L3MBTL4: variants seen among roughly 807,000 people sequenced by gnomAD.
The protein encoded by L3MBTL4 is lethal(3)malignant brain tumor-like protein 4.
Under a neutral mutation model 84.5 loss-of-function variants are expected in L3MBTL4, and 70 were observed. The ratio of observed to expected loss-of-function variants is 0.83; its 90% CI spans 0.68 to 1.01. L3MBTL4 has a LOEUF of 1.01. L3MBTL4 is among the 50% of genes least tolerant of loss of function. The pLI, the probability that L3MBTL4 is intolerant of heterozygous loss-of-function variation, is 0.00. For synonymous variants in L3MBTL4, 274 were observed against 259.8 expected (o/e 1.05, Z -0.52); for missense variants, 715 against 754.8 (o/e 0.95, Z 0.62).
intron 1 of L3MBTL4, among the ~76,000 whole-genome samples, chr18:6,329,021 T>C (rs1335229620): frequency 6.6e-6 from 1 of 152,196 alleles, no homozygotes; most frequent in Admixed American, 6.5e-5. Context: ...GTAACTAGCT[T>C]CCAAATCAAG....
chr18:6,090,445 T>C (rs1194352502), intron 15 of L3MBTL4, among the ~76,000 whole-genome samples: 1 of 151,756 alleles, frequency 6.6e-6, no homozygotes, highest in African/African-American at 2.4e-5. Context: ...AAAAATTGGG[T>C]TGCAGTTAAG....
At chr18:6,401,830 C>A (rs999006133) in intron 1 of L3MBTL4, among the ~76,000 whole-genome samples, 1 of 152,148 alleles carries the variant, frequency 6.6e-6, no homozygotes, top group African/African-American at 2.4e-5. Flanking sequence ...GGCAAGTGTG[C>A]GGTGTGCAAG....
chr18:6,086,102 C>A (rs903611809), intron 15 of L3MBTL4, among the ~76,000 whole-genome samples: 14 of 152,106 alleles, frequency 9.2e-5, no homozygotes, highest in African/African-American at 3.4e-4. Context: ...CCATAATAAG[C>A]AAGTACTGCT....
intron 16 of L3MBTL4, chr18:6,030,750 G>A (rs998073498): frequency 4.3e-5 from 42 of 978,434 alleles, no homozygotes; most frequent in African/African-American, 2.1e-4. Context: ...TCCCTATTTC[G>A]TTAATTTTCT....
At chr18:6,291,970 C>T (rs183121924) in intron 4 of L3MBTL4, among the ~76,000 whole-genome samples, 4 of 148,786 alleles carry the variant, frequency 2.7e-5, no homozygotes, top group African/African-American at 7.5e-5. Context: ...ATGTAAGGAG[C>T]TCAAGCAATT....
intron 16 of L3MBTL4, among the ~76,000 whole-genome samples, chr18:6,013,626 C>A (rs144897911): frequency 6.6e-6 from 1 of 152,216 alleles, no homozygotes; most frequent in Admixed American, 6.5e-5. Context: ...ACTGGTCCAA[C>A]GTCCCTGCCA....
intron 1 of L3MBTL4, among the ~76,000 whole-genome samples, chr18:6,316,028 G>A (rs6506372): frequency 0.19 from 28,576 of 147,330 alleles, 4,082 homozygotes; most frequent in African/African-American, 0.38. Flanking sequence ...AAACAGTTAC[G>A]TCACTCTCAC....
At chr18:6,062,319 G>C (rs1365354366) in intron 16 of L3MBTL4, among the ~76,000 whole-genome samples, 1 of 151,992 alleles carries the variant, frequency 6.6e-6, no homozygotes, top group African/African-American at 2.4e-5. Flanking sequence ...GGCTCACATA[G>C]TTTCTGAAGA....
At chr18:6,010,441 A>C (rs2054682348) in intron 16 of L3MBTL4, among the ~76,000 whole-genome samples, 2 of 152,226 alleles carry the variant, frequency 1.3e-5, no homozygotes, top group African/African-American at 4.8e-5. Context: ...CTTATTAAAA[A>C]AAATGAAGCC....
At chr18:6,079,376 C>G (rs967870722) in intron 16 of L3MBTL4, among the ~76,000 whole-genome samples, 1 of 152,178 alleles carries the variant, frequency 6.6e-6, no homozygotes, top group African/African-American at 2.4e-5. Flanking sequence ...AATGCCATAT[C>G]TGATAGCACA....
At chr18:6,201,828 TACCCCATAAATATGTACAAAATTGC>T (rs1195455136) in intron 12 of L3MBTL4, among the ~76,000 whole-genome samples, 10 of 152,218 alleles carry the variant, frequency 6.6e-5, no homozygotes, top group Middle Eastern at 6.8e-3. Flanking sequence ...TAAATATAAA[TACCCCATAAATATGTACAAAATTGC>T]ACCCCATAAA....
intron 16 of L3MBTL4, among the ~76,000 whole-genome samples, chr18:6,023,980 T>A (rs540864851): frequency 2.4e-4 from 36 of 152,326 alleles, no homozygotes; most frequent in Admixed American, 3.9e-4. Flanking sequence ...GTGTGACTTA[T>A]TTGATCACTT....
chr18:6,122,813 C>T (rs1436377125), intron 14 of L3MBTL4, among the ~76,000 whole-genome samples: 1 of 152,094 alleles, frequency 6.6e-6, no homozygotes. Flanking sequence ...AACAGAATCT[C>T]CATGAGAATT....
chr18:6,064,139 T>C (rs929410329), intron 16 of L3MBTL4, among the ~76,000 whole-genome samples: 2 of 152,090 alleles, frequency 1.3e-5, no homozygotes, highest in African/African-American at 4.8e-5. Flanking sequence ...TATGTTTTTG[T>C]ATGCTTTGTT....
intron 4 of L3MBTL4, among the ~76,000 whole-genome samples, chr18:6,265,713 G>A (rs1349919607): frequency 6.6e-6 from 1 of 151,954 alleles, no homozygotes; most frequent in East Asian, 1.9e-4. Context: ...AATAAGTTAG[G>A]CACAGAAAAA....
intron 1 of L3MBTL4, among the ~76,000 whole-genome samples, chr18:6,369,048 TA>T (rs34169311): frequency 2.0e-3 from 273 of 138,146 alleles, no homozygotes; most frequent in African/African-American, 3.1e-3. Flanking sequence ...TCTCAAAAAT[TA>T]AAAAAAAAAA....
chr18:6,312,642 T>G (rs149893022), intron 1 of L3MBTL4, among the ~76,000 whole-genome samples: 1 of 152,296 alleles, frequency 6.6e-6, no homozygotes, highest in African/African-American at 2.4e-5. Context: ...AATGCATCTT[T>G]TTCTCATTCA....
intron 16 of L3MBTL4, among the ~76,000 whole-genome samples, chr18:6,050,684 T>C (rs2056806382): frequency 6.7e-6 from 1 of 149,920 alleles, no homozygotes; most frequent in African/African-American, 2.5e-5. Context: ...CTGTGAAGTG[T>C]ATGACTTCCG....
intron 1 of L3MBTL4, among the ~76,000 whole-genome samples, chr18:6,364,407 C>T (rs2053843580): frequency 6.6e-6 from 1 of 151,582 alleles, no homozygotes; most frequent in African/African-American, 2.4e-5. Context: ...ACCTTTGGGT[C>T]CTTAGTAGTT....
Sources: gnomAD v4.1 joint callset for allele counts (sites outside exome capture counted in the v4.1 genomes callset) on GRCh38, gnomAD v4.1.1 for gene constraint, MANE v1.5 for transcripts, NCBI Gene and HGNC (gene_info 2026-07-23, HGNC 2026-07-21) for gene names.